The following MOCOS variants were observed in gnomAD, a reference collection of about 807,000 sequenced individuals.
The protein encoded by MOCOS is molybdenum cofactor sulfurase, also known as human molybdenum cofactor sulfurase.
In MOCOS, 86 loss-of-function variants were observed where a neutral mutation model predicts 83.6. The observed-to-expected ratio is 1.03, with a 90% CI of 0.86 to 1.23. MOCOS has a LOEUF of 1.23. MOCOS is among the 50% of genes most tolerant of loss of function. MOCOS has a pLI of 0.00. For missense variants in MOCOS, 1,120 were observed against 1,126.9 expected (o/e 0.99, Z 0.09); for synonymous variants, 445 against 434.7 (o/e 1.02, Z -0.29).
intron 9 of MOCOS, among the ~76,000 whole-genome samples, chr18:36,247,374 C>G (rs2091606180): frequency 6.6e-6 from 1 of 152,186 alleles, no homozygotes; most frequent in African/African-American, 2.4e-5. Flanking sequence ...TCTTTACTTC[C>G]CATTTGTCTC....
chr18:36,203,283 CTG>C (rs2091421651), intron 5 of MOCOS, 94 bp downstream of exon 5: 2 of 1,194,038 alleles, frequency 1.7e-6, no homozygotes, highest in South Asian at 2.4e-5. Flanking sequence ...GAGACAGAGT[CTG>C]TGGAAGTGAC....
Position 36,266,806 on chromosome 18 carries a change from C to G in MOCOS, c.2467C>G (p.Arg823Gly). 1 of 1,614,034 alleles carries G rather than the reference C, an allele frequency of 6.2e-7. No individual in the cohort carries two copies. Among genetic ancestry groups the G allele is most frequent in the Non-Finnish European group, 8.5e-7 (1 of 1,180,038 alleles). Residue 823 changes from arginine (R) to glycine (G), a missense_variant, in exon 14 of 15, where the codon CGA becomes GGA. By Grantham distance (125) the Arg-to-Gly change is moderately radical. Coordinates refer to ENST00000261326, the MANE Select transcript of MOCOS (RefSeq NM_017947.4). ...MICIDQQTGQ[R>G]NQHVFQKLSE... ...TTGCATCGACCAGCAAACTGGGCAA[C>G]GAAACCAGCATGTTTTCCAAAAACT...
chr18:36,228,121 A>G (rs2091524529), intron 9 of MOCOS, among the ~76,000 whole-genome samples: 1 of 152,238 alleles, frequency 6.6e-6, no homozygotes, highest in Non-Finnish European at 1.5e-5. Flanking sequence ...AATCAAAACC[A>G]CAATGAGATA....
intron 9 of MOCOS, among the ~76,000 whole-genome samples, chr18:36,221,731 T>G (rs12963661): frequency 0.096 from 14,526 of 150,890 alleles, 851 homozygotes; most frequent in Non-Finnish European, 0.13. Context: ...TCCCATTGTT[T>G]TTTTTTTTTT....
chr18:36,232,928 G>A (rs1381902899), intron 9 of MOCOS, among the ~76,000 whole-genome samples: 1 of 150,676 alleles, frequency 6.6e-6, no homozygotes, highest in Non-Finnish European at 1.5e-5. Flanking sequence ...GAACACTTAA[G>A]TTGATTCCAT....
At chr18:36,194,024 A>T (rs1233931856) in intron 1 of MOCOS, among the ~76,000 whole-genome samples, 4 of 152,220 alleles carry the variant, frequency 2.6e-5, no homozygotes, top group African/African-American at 9.7e-5. Context: ...TGCTAAATTA[A>T]AGAAGTCAGA....
intron 9 of MOCOS, among the ~76,000 whole-genome samples, chr18:36,233,942 G>A (rs755973917): frequency 1.3e-4 from 20 of 152,186 alleles, no homozygotes; most frequent in East Asian, 1.9e-4. Flanking sequence ...TTAGTCCTTC[G>A]TCAGATGCGT....
chr18:36,230,292 C>T (rs192155767), intron 9 of MOCOS, among the ~76,000 whole-genome samples: 55 of 152,148 alleles, frequency 3.6e-4, no homozygotes, highest in South Asian at 8.3e-4. Context: ...ACCATGTTGG[C>T]CAGGCTGGTC....
At position 36,233,173 on chromosome 18, in the gene MOCOS, C is replaced by A. The variant is rs571637462; in HGVS notation, c.1960+12956C>A. On this transcript the variant is annotated intron_variant, in intron 9 of 14. Coordinates refer to ENST00000261326, the MANE Select transcript of MOCOS (RefSeq NM_017947.4). ...GTTGATAATCTTTTATCTCTCAACTCCCCTCCACCCTTTTCTGCAAGTCTC... is the reference window on the plus strand; with the variant it reads ...GTTGATAATCTTTTATCTCTCAACTACCCTCCACCCTTTTCTGCAAGTCTC... Among the ~76,000 whole-genome samples, 4 of 152,234 alleles carry A rather than the reference C, an allele frequency of 2.6e-5. No individual in the cohort carries two copies. The South Asian group carries it at 8.3e-4, about 32-fold the overall frequency.
At chr18:36,225,809 A>AGT (rs2091513089) in intron 9 of MOCOS, among the ~76,000 whole-genome samples, 1 of 151,700 alleles carries the variant, frequency 6.6e-6, no homozygotes, top group South Asian at 2.1e-4. Context: ...GTCATTTAAG[A>AGT]GTGTGTTGTT....
Position 36,200,041 on chromosome 18 carries a change from A to C in MOCOS, c.658A>C (p.Lys220Gln). ...CCCCCTGTCCTGGATAGAAGAGGTC[A>C]AGTCTGGGCGGTTGCACCCTGTGAG... is the stretch of plus-strand genomic sequence containing the variant. Reference protein sequence around the residue: ...RYPLSWIEEVKSGRLHPVSTP... With the variant: ...RYPLSWIEEVQSGRLHPVSTP... Residue 220 changes from lysine to glutamine, a missense_variant, in exon 4 of 15, where the codon AAG (lysine) becomes CAG (glutamine). Transcript: ENST00000261326. 1.2e-6 allele frequency: 2 copies of C among 1,614,194 alleles called. No individual in the cohort carries two copies. The highest frequency in any genetic ancestry group is 1.7e-6 in the Non-Finnish European group (2 of 1,180,028).
At chr18:36,220,340 TAC>T in intron 9 of MOCOS, 123 bp downstream of exon 9, 3 of 1,049,004 alleles carry the variant, frequency 2.9e-6, no homozygotes, top group South Asian at 2.0e-5. Flanking sequence ...ACCTCATCTC[TAC>T]AAAAAAAAAA....
intron 9 of MOCOS, among the ~76,000 whole-genome samples, chr18:36,240,741 C>T (rs995291239): frequency 1.2e-4 from 19 of 152,322 alleles, no homozygotes; most frequent in East Asian, 5.8e-4. Flanking sequence ...GCCTCGCTGC[C>T]GCCTTGCAGT....
intron 7 of MOCOS, among the ~76,000 whole-genome samples, chr18:36,214,810 A>C (rs1237990752): frequency 6.6e-6 from 1 of 152,174 alleles, no homozygotes; most frequent in African/African-American, 2.4e-5. Flanking sequence ...TCCAGATAGA[A>C]TATTTGGTCC....
At chr18:36,210,935 C>G (rs1211909358) in intron 6 of MOCOS, among the ~76,000 whole-genome samples, 1 of 147,616 alleles carries the variant, frequency 6.8e-6, no homozygotes, top group African/African-American at 2.5e-5. Flanking sequence ...AAGAAGCCTC[C>G]AAGAAGAAGA....
intron 12 of MOCOS, among the ~76,000 whole-genome samples, chr18:36,257,309 G>C (rs2091645438): frequency 6.6e-6 from 1 of 152,084 alleles, no homozygotes; most frequent in Non-Finnish European, 1.5e-5. Context: ...TCCTCAAGAT[G>C]GTTAATGGAG....
chr18:36,262,250 T>C (rs983570478), intron 13 of MOCOS, among the ~76,000 whole-genome samples: 3 of 127,822 alleles, frequency 2.3e-5, no homozygotes, highest in African/African-American at 3.0e-5. Context: ...CGTCTCTCTC[T>C]ACACACACAC....
chr18:36,235,850 G>A (rs1424932119), intron 9 of MOCOS, among the ~76,000 whole-genome samples: 7 of 150,028 alleles, frequency 4.7e-5, no homozygotes, highest in Non-Finnish European at 1.0e-4. Context: ...GTATCTCATT[G>A]TGGTTTTGAT....
rs778669299 is a variant in MOCOS at position 36,215,516 on chromosome 18, G to T, written c.1336G>T (p.Ala446Ser). 3 of 1,613,454 alleles carry T rather than the reference G, an allele frequency of 1.9e-6. No individual in the cohort carries two copies. In the East Asian group the frequency reaches 6.7e-5, roughly 36 times the overall value. Residue 446 changes from alanine (A) to serine (S), a missense_variant and splice_region_variant, in exon 8 of 15, where the codon GCT (alanine) becomes TCT (serine). By Grantham distance (99) the Ala-to-Ser change is moderately conservative. Transcript: ENST00000261326. Reference protein sequence around the residue: ...SNEMVRKHFQAGHVCGDNMDL... With the variant: ...SNEMVRKHFQSGHVCGDNMDL... ...CTGATGCACTTCCCTCTTATCCTAG[G>T]CTGGTCATGTCTGTGGGGACAATAT... is the stretch of plus-strand genomic sequence containing the variant.
Sources: gnomAD v4.1 joint callset for allele counts (sites outside exome capture counted in the v4.1 genomes callset) on GRCh38, gnomAD v4.1.1 for gene constraint, MANE v1.5 for transcripts, NCBI Gene and HGNC (gene_info 2026-07-23, HGNC 2026-07-21) for gene names.